The following PCSK9 variants were observed in gnomAD, a reference collection of about 807,000 sequenced individuals.
PCSK9 encodes the protein proprotein convertase subtilisin/kexin type 9.
Under a neutral mutation model 62.1 loss-of-function variants are expected in PCSK9, and 57 were observed. The ratio of observed to expected loss-of-function variants is 0.92; its 90% confidence interval spans 0.74 to 1.14. PCSK9 has a LOEUF of 1.14. PCSK9 is among the 50% of genes most tolerant of loss of function. PCSK9 has a pLI of 0.00. For synonymous variants in PCSK9, 387 were observed against 409.4 expected (o/e 0.95, Z 0.66); for missense variants, 870 against 959.8 (o/e 0.91, Z 1.24).
intron 4 of PCSK9, 64 bp from the exon 5 acceptor site, chr1:55,052,586 C>T: frequency 1.2e-6 from 2 of 1,606,734 alleles, no homozygotes; most frequent in Non-Finnish European, 1.7e-6. Flanking sequence ...ATCCAGCCAC[C>T]TGCTGATTTG....
In PCSK9 at chr1:55,060,073, A is replaced by C. The variant is rs373832219; in HGVS notation, c.1681+410A>C. 9.2e-4 allele frequency among the ~76,000 whole-genome samples: 140 copies of C among 152,370 alleles called. 3 individuals carry two copies. In the South Asian group the frequency reaches 0.027, roughly 30 times the overall value. On this transcript the variant is annotated intron_variant, in intron 10 of 11. Coordinates refer to ENST00000302118, the MANE Select transcript of PCSK9 (RefSeq NM_174936.4). ...CGCTCTATAGCTGTGTGACTTGGGC[A>C]AATTACTTAACATCTCTGTATGAGG... is the stretch of plus-strand genomic sequence containing the variant.
chr1:55,059,732 G>T, intron 10 of PCSK9, 69 bp downstream of exon 10: 1 of 1,516,850 alleles, frequency 6.6e-7, no homozygotes, highest in Non-Finnish European at 8.9e-7. Context: ...TGCCCGCGAG[G>T]CTTGGTCCTC....
At position 55,056,237 on chromosome 1, in the gene PCSK9, CG is replaced by C. The variant is rs760961443; in HGVS notation, c.996+50del. ...CAAGGCGCGGGTAGGGGGCGGAGGG[CG>C]GAGGGCGGAGGGAGGGCGGGCGGGC... On this transcript the variant is annotated intron_variant, in intron 6 of 11. Transcript: ENST00000302118. The C allele has an allele frequency of 2.6e-3, 145 of 56,394 alleles. 3 individuals carry two copies. The African/African-American group carries it at 0.045, about 18-fold the overall frequency. The allele number at this position is 56,394 out of a possible 1,614,324, so 3.5% of individuals were successfully genotyped here.
intron 2 of PCSK9, 52 bp downstream of exon 2, chr1:55,044,086 A>C (rs546774002): frequency 4.2e-5 from 67 of 1,593,376 alleles, no homozygotes; most frequent in Middle Eastern, 1.7e-4. Flanking sequence ...GGGCCACTGC[A>C]TATACACTGG....
intron 9 of PCSK9, 118 bp downstream of exon 9, chr1:55,058,765 G>A: frequency 6.6e-7 from 1 of 1,526,510 alleles, no homozygotes; most frequent in Admixed American, 2.0e-5. Context: ...CCATCCTCCA[G>A]ACTCCAGCTC....
Position 55,039,968 on chromosome 1 carries a change from C to T in PCSK9, c.131C>T (p.Ala44Val). 6 of 1,579,610 alleles carry T rather than the reference C, an allele frequency of 3.8e-6. No individual in the cohort carries two copies. Among genetic ancestry groups the T allele is most frequent in the Non-Finnish European group, 5.2e-6 (6 of 1,163,700 alleles). Residue 44 changes from alanine to valine, a missense_variant, in exon 1 of 12, where the codon GCC becomes GTC. Ala to Val is a moderately conservative substitution (Grantham distance 64). Transcript: ENST00000302118. ...GGCGACTACGAGGAGCTGGTGCTAGCCTTGCGTTCCGAGGAGGACGGCCTG... is the reference window on the plus strand; with the variant it reads ...GGCGACTACGAGGAGCTGGTGCTAGTCTTGCGTTCCGAGGAGGACGGCCTG... The part of the protein sequence containing the change: ...EDGDYEELVL[A>V]LRSEEDGLAE...
rs1031725741 is a variant in PCSK9, at chr1:55,046,589, T to C, written c.466T>C (p.Trp156Arg). 6.2e-7 allele frequency: 1 copy of C among 1,614,054 alleles called. No homozygotes were observed. The highest frequency in any genetic ancestry group is 1.3e-5 in the African/African-American group (1 of 74,926). Residue 156 changes from tryptophan (W) to arginine (R), a missense_variant, in exon 3 of 12, where the codon TGG (tryptophan) becomes CGG (arginine). Trp to Arg is a moderately radical substitution (Grantham distance 101, BLOSUM62 -3). Coordinates refer to ENST00000302118, the MANE Select transcript of PCSK9 (RefSeq NM_174936.4). Reference sequence around the variant, plus strand: ...CTCTGTCTTTGCCCAGAGCATCCCGTGGAACCTGGAGCGGATTACCCCTCC... The same window carrying C: ...CTCTGTCTTTGCCCAGAGCATCCCGCGGAACCTGGAGCGGATTACCCCTCC... ...DSSVFAQSIP[W>R]NLERITPPRY...
At chr1:55,043,051 G>A (rs1570293283) in intron 1 of PCSK9, among the ~76,000 whole-genome samples, 1 of 152,218 alleles carries the variant, frequency 6.6e-6, no homozygotes, top group African/African-American at 2.4e-5. Context: ...ATCAGTGAAA[G>A]CAGCTTAAGG....
chr1:55,047,158 CTTTCCACTG>C (rs778222312), intron 3 of PCSK9, among the ~76,000 whole-genome samples: 1 of 152,218 alleles, frequency 6.6e-6, no homozygotes, highest in Non-Finnish European at 1.5e-5. Context: ...CTAGGCCTTT[CTTTCCACTG>C]TTCCCTCTGC....
In PCSK9 at chr1:55,059,511, G is replaced by A. The variant is rs757804293; in HGVS notation, c.1529G>A (p.Arg510Gln). 1.0e-5 allele frequency: 16 copies of A among 1,566,230 alleles called. No homozygotes were observed. Among genetic ancestry groups the A allele is most frequent in the African/African-American group, 1.3e-5 (1 of 74,172 alleles). The change falls in exon 10 of 12, where the codon CGG (arginine) becomes CAG (glutamine). Residue 510 changes from arginine (R) to glutamine (Q), a missense_variant. Physicochemically the swap from Arg to Gln is conservative, Grantham distance 43. Coordinates refer to ENST00000302118, the MANE Select transcript of PCSK9 (RefSeq NM_174936.4). Reference sequence around the variant, plus strand: ...GCCCAAGGGGGCAAGCTGGTCTGCCGGGCCCACAACGCTTTTGGGGGTGAG... The same window carrying A: ...GCCCAAGGGGGCAAGCTGGTCTGCCAGGCCCACAACGCTTTTGGGGGTGAG... ...MEAQGGKLVC[R>Q]AHNAFGGEGV... is the part of the protein sequence containing the mutation.
chr1:55,051,454 G>A, intron 3 of PCSK9: 1 of 323,280 alleles, frequency 3.1e-6, no homozygotes. Flanking sequence ...TGGAGCGGAG[G>A]TGCTTCCTTC....
chr1:55,057,904 G>A (rs188706018), intron 7 of PCSK9, 132 bp from the exon 8 acceptor site: 29 of 1,330,968 alleles, frequency 2.2e-5, no homozygotes, highest in South Asian at 7.2e-5. Flanking sequence ...GCTTACCTTC[G>A]AGAAGAGAGC....
chr1:55,046,745 G>A (rs1644638234), intron 3 of PCSK9, 99 bp downstream of exon 3: 2 of 1,462,484 alleles, frequency 1.4e-6, no homozygotes, highest in East Asian at 2.3e-5. Flanking sequence ...ACTTCTCGGG[G>A]GGCTTTGGGA....
Position 55,061,562 on chromosome 1 carries a change from G to T in PCSK9, c.1863+6G>T. ...TCCCGGCCCCTCAGGAGCAGGTGAAGAGGCCCGTGAGGCCGGGTGGGTGGG... is the reference window on the plus strand; with the variant it reads ...TCCCGGCCCCTCAGGAGCAGGTGAATAGGCCCGTGAGGCCGGGTGGGTGGG... On this transcript the variant is annotated splice_donor_region_variant and intron_variant, in intron 11 of 11. Transcript: ENST00000302118. 6.3e-7 allele frequency: 1 copy of T among 1,584,392 alleles called. No homozygotes were observed. The highest frequency in any genetic ancestry group is 1.2e-5 in the South Asian group (1 of 86,610).
At chr1:55,051,959 AT>A (rs34012833) in intron 3 of PCSK9, 1 of 407,700 alleles carries the variant, frequency 2.5e-6, no homozygotes, top group East Asian at 5.3e-5. Flanking sequence ...CTTTGATACT[AT>A]TTTTTGAACA....
At position 55,049,962 on chromosome 1, in the gene PCSK9, TA is replaced by T. The variant is rs28362232; in HGVS notation, c.524-2314del. ...GACCAGAAAGGACTCTCACCTGGGCTAACTCAGCTGCAGCCTCAGTTCCCTC... is the reference window on the plus strand; with the variant it reads ...GACCAGAAAGGACTCTCACCTGGGCTACTCAGCTGCAGCCTCAGTTCCCTC... On this transcript the variant is annotated intron_variant, in intron 3 of 11. Transcript: ENST00000302118. 4.1e-3 allele frequency among the ~76,000 whole-genome samples: 614 copies of T among 149,986 alleles called. 3 individuals carry two copies. Among genetic ancestry groups the T allele is most frequent in the African/African-American group, 0.014 (596 of 41,226 alleles).
At chr1:55,055,447 C>T (rs946830227) in intron 5 of PCSK9, among the ~76,000 whole-genome samples, 2 of 152,138 alleles carry the variant, frequency 1.3e-5, no homozygotes, top group African/African-American at 4.8e-5. Context: ...TATATTCAGA[C>T]GCTTAGACAG....
Position 55,057,515 on chromosome 1 carries a change from G to T in PCSK9, c.1180+1G>T, listed in dbSNP as rs1237783130. On this transcript the variant is annotated splice_donor_variant, in intron 7 of 11. Transcript: ENST00000302118. LOFTEE classifies it high-confidence loss of function. ...TCACAGGCTGCTGCCCACGTGGCTG[G>T]TAAGTCACCACCCCACTGCCTCGGC... 6.2e-7 allele frequency: 1 copy of T among 1,609,366 alleles called. No homozygotes were observed. Among genetic ancestry groups the T allele is most frequent in the Admixed American group, 1.7e-5 (1 of 59,638 alleles).
At chr1:55,061,314 T>G in intron 10 of PCSK9, 61 bp from the exon 11 acceptor site, 3 of 1,526,956 alleles carry the variant, frequency 2.0e-6, no homozygotes, top group Non-Finnish European at 2.7e-6. Flanking sequence ...CTGATGGGGA[T>G]GGGCACTGGA....
Sources: gnomAD v4.1 joint callset for allele counts (sites outside exome capture counted in the v4.1 genomes callset) on GRCh38, gnomAD v4.1.1 for gene constraint, MANE v1.5 for transcripts, NCBI Gene and HGNC (gene_info 2026-07-23, HGNC 2026-07-21) for gene names.